Variants in CCDC142 observed in about 807,000 individuals in gnomAD.
CCDC142 encodes the protein coiled-coil domain containing 142.
CCDC142 carries 67 observed loss-of-function variants against 83.8 expected under a neutral mutation model. That is an observed-to-expected ratio of 0.80 (90% CI 0.66 to 0.98). CCDC142 has a LOEUF of 0.98. Ranked by LOEUF, CCDC142 falls within the 50% of genes least tolerant of loss-of-function variation. CCDC142 has a pLI of 0.00. For synonymous variants in CCDC142, 421 were observed against 421.2 expected (o/e 1.00, Z 0.01); for missense variants, 905 against 946.8 (o/e 0.96, Z 0.58).
Position 74,481,943 on chromosome 2 carries a change from C to G in CCDC142, c.895G>C (p.Gly299Arg), listed in dbSNP as rs1226011523. ...ASCGLGLGGA[G>R]ALWSQYWTLL... is the part of the protein sequence containing the mutation. ...GTCCAGTATTGGCTCCACAAGGCCCCAGCCCCTCCGAGCCCTAGTCCACAG... is the reference window on the plus strand; with the variant it reads ...GTCCAGTATTGGCTCCACAAGGCCCGAGCCCCTCCGAGCCCTAGTCCACAG... The change falls in exon 1 of 9, where the codon GGG becomes CGG. Residue 299 changes from glycine (G) to arginine (R), a missense_variant. By Grantham distance (125) the Gly-to-Arg change is moderately radical (BLOSUM62 -2). Coordinates refer to ENST00000393965, the MANE Select transcript of CCDC142 (RefSeq NM_001365575.2). 1.9e-6 allele frequency: 3 copies of G among 1,614,044 alleles called. No individual in the cohort carries two copies. In the African/African-American group the frequency reaches 4.0e-5, roughly 22 times the overall value.
At position 74,475,623 on chromosome 2, in the gene CCDC142, CG is replaced by C. The variant is rs766517162; in HGVS notation, c.1606del (p.Arg536ValfsTer16). 2 of 1,613,468 alleles carry C rather than the reference CG, an allele frequency of 1.2e-6. No homozygotes were observed. Among genetic ancestry groups the C allele is most frequent in the Non-Finnish European group, 1.7e-6 (2 of 1,179,494 alleles). ...GGATGAGGAGTTACCAGGACAGAGA[CG>C]AAGCCGCCAGTACCGACCCCGTGGC... ...YMPRGRYWRL[R>X]LCPEPPSAPS... On this transcript the variant is annotated frameshift_variant, in exon 6 of 9. Coordinates refer to ENST00000393965, the MANE Select transcript of CCDC142 (RefSeq NM_001365575.2). LOFTEE classifies it high-confidence loss of function.
At position 74,482,661 on chromosome 2, in the gene CCDC142, C is replaced by G; in HGVS notation, c.177G>C (p.Thr59=). 1 of 1,611,412 alleles carries G rather than the reference C, an allele frequency of 6.2e-7. No individual in the cohort carries two copies. The highest frequency in any genetic ancestry group is 1.6e-4 in the Middle Eastern group (1 of 6,062). The part of the protein sequence containing the change: ...GTSGGTPWWP[T]PADVSEDYEA... ...CGTAGTCCTCGCTCACATCCGCCGGCGTCGGCCACCACGGCGTCCCTCCAG... is the reference window on the plus strand; with the variant it reads ...CGTAGTCCTCGCTCACATCCGCCGGGGTCGGCCACCACGGCGTCCCTCCAG... The change falls in exon 1 of 9, where the codon ACG becomes ACC. Residue 59 remains threonine (T), a synonymous_variant. Coordinates refer to ENST00000393965, the MANE Select transcript of CCDC142 (RefSeq NM_001365575.2). The surrounding 1 kb of genome is among the most constrained non-coding windows in gnomAD (Gnocchi z 5.0).
At position 74,474,344 on chromosome 2, in the gene CCDC142, A is replaced by G; in HGVS notation, c.*202T>C. On this transcript the variant is annotated 3_prime_UTR_variant, in exon 9 of 9. Coordinates refer to ENST00000393965, the MANE Select transcript of CCDC142 (RefSeq NM_001365575.2). ...ATGATCCGCCTGCCTCGGTCTCCCA[A>G]AGTGCTGGATTACAGGCGTGAGCCA... is the stretch of plus-strand genomic sequence containing the variant. The G allele has an allele frequency of 1.7e-6, 1 of 578,446 alleles. No individual in the cohort carries two copies. The highest frequency in any genetic ancestry group is 2.9e-6 in the Non-Finnish European group (1 of 349,404). The allele number at this position is 578,446 out of a possible 1,614,324, so 35.8% of individuals were successfully genotyped here.
intron 5 of CCDC142, among the ~76,000 whole-genome samples, chr2:74,480,560 C>G (rs925587115): frequency 6.9e-6 from 1 of 144,460 alleles, no homozygotes; most frequent in African/African-American, 2.6e-5. Flanking sequence ...CACTGCACTC[C>G]AGCCTGGGTG....
chr2:74,481,724 G>T, intron 1 of CCDC142, 93 bp downstream of exon 1: 1 of 1,476,908 alleles, frequency 6.8e-7, no homozygotes, highest in South Asian at 1.3e-5. Context: ...TAAAGGGCCT[G>T]CTTTTGCCTT....
rs957181063 is a variant in CCDC142, at chr2:74,473,661, G to A, written c.*885C>T. 1 of 151,952 alleles carries A rather than the reference G, an allele frequency of 6.6e-6. No individual in the cohort carries two copies. Among genetic ancestry groups the A allele is most frequent in the Non-Finnish European group, 1.5e-5 (1 of 68,076 alleles). The allele number at this position is 151,952 out of a possible 1,614,324, so 9.4% of individuals were successfully genotyped here. On this transcript the variant is annotated 3_prime_UTR_variant, in exon 9 of 9. Coordinates refer to ENST00000393965, the MANE Select transcript of CCDC142 (RefSeq NM_001365575.2). ...ACTCTTTATCCCTGAGATATCTTCA[G>A]TGATGGAGAACTAGGCCTGAACCTC...
Position 74,473,121 on chromosome 2 carries a change from T to G in CCDC142, c.*1425A>C. 1 of 227,166 alleles carries G rather than the reference T, an allele frequency of 4.4e-6. No homozygotes were observed. The highest frequency in any genetic ancestry group is 8.9e-6 in the Non-Finnish European group (1 of 112,070). 14.1% of individuals were successfully genotyped at this position (227,166 alleles called of 1,614,324 possible). A position where few individuals can be genotyped will look rare whatever the true frequency, so the allele number is the denominator to read the frequency against. On this transcript the variant is annotated 3_prime_UTR_variant, in exon 9 of 9. Transcript: ENST00000393965. ...CATTCAGGTAACTGAAGATTAAACGTAGTGAGCTCTGAATAGCCAAAGCTT... is the reference window on the plus strand; with the variant it reads ...CATTCAGGTAACTGAAGATTAAACGGAGTGAGCTCTGAATAGCCAAAGCTT...
intron 5 of CCDC142, among the ~76,000 whole-genome samples, chr2:74,476,687 T>G (rs543060008): frequency 1.3e-5 from 2 of 152,324 alleles, no homozygotes; most frequent in South Asian, 2.1e-4. Context: ...CTGGGTTTGT[T>G]TCTTTGGTTT....
chr2:74,479,236 G>A (rs1429461184), intron 5 of CCDC142, among the ~76,000 whole-genome samples: 1 of 152,056 alleles, frequency 6.6e-6, no homozygotes, highest in Non-Finnish European at 1.5e-5. Context: ...CTGAACCCGG[G>A]AGTTCACAGC....
chr2:74,474,430 T>C lies in CCDC142; in HGVS notation c.*116A>G, dbSNP rs2104004959. The C allele has an allele frequency of 7.7e-7, 1 of 1,302,894 alleles. No homozygotes were observed. Among genetic ancestry groups the C allele is most frequent in the Non-Finnish European group, 1.0e-6 (1 of 966,070 alleles). The allele number at this position is 1,302,894 out of a possible 1,614,324, so 80.7% of individuals were successfully genotyped here. A position where few individuals can be genotyped will look rare whatever the true frequency, so the allele number is the denominator to read the frequency against. ...AGGCTCTTTGTAGCTTATTCTCCAGTATGCTTTCCTCCAAGCTTCCAGTTC... is the reference window on the plus strand; with the variant it reads ...AGGCTCTTTGTAGCTTATTCTCCAGCATGCTTTCCTCCAAGCTTCCAGTTC... On this transcript the variant is annotated 3_prime_UTR_variant, in exon 9 of 9. Transcript: ENST00000393965.
At chr2:74,479,045 G>T (rs1311606935) in intron 5 of CCDC142, among the ~76,000 whole-genome samples, 1 of 146,788 alleles carries the variant, frequency 6.8e-6, no homozygotes, top group African/African-American at 2.5e-5. Context: ...AAAAAAAAAA[G>T]TAGCTGGGCA....
rs1302550749 is a variant in CCDC142, at chr2:74,482,640, G to A, written c.198C>T (p.Asp66=). ...TCCAGGCCGCAGCATCAGCCTCGTA[G>A]TCCTCGCTCACATCCGCCGGCGTCG... ...WWPTPADVSE[D]YEADAAAWRR... Residue 66 remains aspartate, a synonymous_variant, in exon 1 of 9, where the codon GAC becomes GAT. Coordinates refer to ENST00000393965, the MANE Select transcript of CCDC142 (RefSeq NM_001365575.2). The surrounding 1 kb of genome is among the most constrained non-coding windows in gnomAD (Gnocchi z 5.0). 1 of 1,611,904 alleles carries A rather than the reference G, an allele frequency of 6.2e-7. No homozygotes were observed. The highest frequency in any genetic ancestry group is 2.2e-5 in the East Asian group (1 of 44,878).
Position 74,474,791 on chromosome 2 carries a change from C to G in CCDC142, c.2008G>C (p.Glu670Gln), listed in dbSNP as rs1417875575. 6.2e-7 allele frequency: 1 copy of G among 1,608,612 alleles called. No individual in the cohort carries two copies. The highest frequency in any genetic ancestry group is 8.5e-7 in the Non-Finnish European group (1 of 1,176,660). The stretch of plus-strand genomic sequence containing the variant: ...CTGGGCAATTTCGTGGTCTGGACCT[C>G]CTGACAAGCACCTGGTAAGGCAGGA... ...RRPPCCCACQ[E>Q]VQTTKLPSSC... The change falls in exon 9 of 9, where the codon GAG (glutamate) becomes CAG (glutamine). Residue 670 changes from glutamate to glutamine, a missense_variant. By Grantham distance (29) the Glu-to-Gln change is conservative (BLOSUM62 2). Transcript: ENST00000393965.
In CCDC142 at chr2:74,474,946, A is replaced by T; in HGVS notation, c.1966T>A (p.Ser656Thr). 1 of 1,604,408 alleles carries T rather than the reference A, an allele frequency of 6.2e-7. No homozygotes were observed. Among genetic ancestry groups the T allele is most frequent in the Non-Finnish European group, 8.5e-7 (1 of 1,175,034 alleles). Residue 656 changes from serine to threonine, a missense_variant, in exon 8 of 9, where the codon TCT becomes ACT. Transcript: ENST00000393965. ...CAGGGGGGCCTCCTGTGGACTTGAGACTTGGGCAGGGGCTGCTGCAACAGA... is the reference window on the plus strand; with the variant it reads ...CAGGGGGGCCTCCTGTGGACTTGAGTCTTGGGCAGGGGCTGCTGCAACAGA... ...LCLLQQPLPK[S>T]QVHRRPPCCC...
At position 74,481,819 on chromosome 2, in the gene CCDC142, T is replaced by C. The variant is rs754818065; in HGVS notation, c.1019A>G (p.Gln340Arg). The C allele has an allele frequency of 3.1e-6, 5 of 1,608,972 alleles. No individual in the cohort carries two copies. The South Asian group carries it at 5.5e-5, about 18-fold the overall frequency. ...GCCCACCCAAGCCCATCACTCACCC[T>C]GACCCAGTGCCTGACTCAGCTGTTG... ...TAQQLSQALGQASLPQECEKE... is the reference protein window; with the variant it reads ...TAQQLSQALGRASLPQECEKE... The change falls in exon 1 of 9, where the codon CAG (glutamine) becomes CGG (arginine). Residue 340 changes from glutamine to arginine, a missense_variant and splice_region_variant. By Grantham distance (43) the Gln-to-Arg change is conservative. Transcript: ENST00000393965.
rs148806272 is a variant in CCDC142, at chr2:74,482,749, T to C, written c.89A>G (p.Gln30Arg). The C allele has an allele frequency of 1.2e-6, 2 of 1,602,222 alleles. No individual in the cohort carries two copies. Among genetic ancestry groups the C allele is most frequent in the African/African-American group, 1.3e-5 (1 of 74,938 alleles). ...ACCGCCCGTTCGACTTCTCTCCCACTGCTCCTCCCCAGTGCCCCCGGGTTG... is the reference window on the plus strand; with the variant it reads ...ACCGCCCGTTCGACTTCTCTCCCACCGCTCCTCCCCAGTGCCCCCGGGTTG... ...RAQPGGTGEE[Q>R]WERSRTGGLR... Residue 30 changes from glutamine (Q) to arginine (R), a missense_variant, in exon 1 of 9, where the codon CAG (glutamine) becomes CGG (arginine). This residue lies in a region of CCDC142 where 591 missense variants were observed against 571.4 expected (regional missense o/e 1.03). Coordinates refer to ENST00000393965, the MANE Select transcript of CCDC142 (RefSeq NM_001365575.2). The surrounding 1 kb of genome is among the most constrained non-coding windows in gnomAD (Gnocchi z 5.0).
chr2:74,482,808 C>A lies in CCDC142; in HGVS notation c.30G>T (p.Leu10=), dbSNP rs765583496. 7 of 1,599,704 alleles carry A rather than the reference C, an allele frequency of 4.4e-6. No individual in the cohort carries two copies. The highest frequency in any genetic ancestry group is 2.2e-5 in the East Asian group (1 of 44,876). Residue 10 remains leucine (L), a synonymous_variant, in exon 1 of 9, where the codon CTG becomes CTT. Transcript: ENST00000393965. The surrounding 1 kb of genome is among the most constrained non-coding windows in gnomAD (Gnocchi z 5.0). MAQASRSGS[L]PPLVIVPPLR... is the part of the protein sequence containing the mutation. The stretch of plus-strand genomic sequence containing the variant: ...GCGGGGGCACGATAACGAGTGGAGG[C>A]AGGCTACCTGAGCGAGACGCCTGGG...
At chr2:74,478,433 A>G (rs530391046) in intron 5 of CCDC142, among the ~76,000 whole-genome samples, 1 of 151,370 alleles carries the variant, frequency 6.6e-6, no homozygotes, top group East Asian at 1.9e-4. Flanking sequence ...CTGGAGTGCA[A>G]TGGCGCTATC....
chr2:74,482,764 C>T lies in CCDC142; in HGVS notation c.74G>A (p.Gly25Asp). 6.2e-7 allele frequency: 1 copy of T among 1,601,116 alleles called. No individual in the cohort carries two copies. Among genetic ancestry groups the T allele is most frequent in the East Asian group, 2.2e-5 (1 of 44,880 alleles). ...IVPPLRAQPG[G>D]TGEEQWERSR... The stretch of plus-strand genomic sequence containing the variant: ...TCTCTCCCACTGCTCCTCCCCAGTG[C>T]CCCCGGGTTGCGCCCTCAGCGGGGG... The change falls in exon 1 of 9, where the codon GGC (glycine) becomes GAC (aspartate). Residue 25 changes from glycine to aspartate, a missense_variant. By Grantham distance (94) the Gly-to-Asp change is moderately conservative. Coordinates refer to ENST00000393965, the MANE Select transcript of CCDC142 (RefSeq NM_001365575.2). The surrounding 1 kb of genome is among the most constrained non-coding windows in gnomAD (Gnocchi z 5.0).
Sources: allele counts gnomAD v4.1 joint callset (sites outside exome capture counted in the v4.1 genomes callset), GRCh38; gene constraint gnomAD v4.1.1; regional missense constraint gnomAD v4.1.1; non-coding constraint Gnocchi (gnomAD v3.1); transcripts MANE v1.5; gene names NCBI Gene and HGNC (gene_info 2026-07-23, HGNC 2026-07-21).